The following CTTNBP2NL variants were observed in gnomAD, a reference collection of about 807,000 sequenced individuals.
CTTNBP2NL encodes the protein CTTNBP2 N-terminal-like protein.
Under a neutral mutation model 32.5 loss-of-function variants are expected in CTTNBP2NL, and 16 were observed. The ratio of observed to expected loss-of-function variants is 0.49; its 90% CI spans 0.33 to 0.75. The LOEUF is 0.75. CTTNBP2NL is among the 30% of genes least tolerant of loss of function. The pLI, the probability that CTTNBP2NL is intolerant of heterozygous loss-of-function variation, is 0.02. For synonymous variants in CTTNBP2NL, 298 were observed against 289.4 expected, an observed-to-expected ratio of 1.03 and a Z score of -0.30; for missense variants, 645 against 756.0, an observed-to-expected ratio of 0.85 and a Z score of 1.72.
intron 4 of CTTNBP2NL, among the ~76,000 whole-genome samples, chr1:112,452,283 C>T (rs533615799): frequency 4.0e-5 from 6 of 150,750 alleles, no homozygotes; most frequent in Admixed American, 1.3e-4. Flanking sequence ...TGATCCACCT[C>T]AGCCTCCCTA....
At chr1:112,422,461 A>G (rs1649260599) in intron 3 of CTTNBP2NL, among the ~76,000 whole-genome samples, 1 of 152,248 alleles carries the variant, frequency 6.6e-6, no homozygotes, top group African/African-American at 2.4e-5. Flanking sequence ...ATTCATGTAC[A>G]AGGCTTTGTG....
intron 1 of CTTNBP2NL, among the ~76,000 whole-genome samples, chr1:112,397,414 CT>C (rs1007571334): frequency 6.6e-6 from 1 of 152,082 alleles, no homozygotes; most frequent in Non-Finnish European, 1.5e-5. Context: ...TCTCTAACCC[CT>C]TTTTTATAGT....
intron 3 of CTTNBP2NL, among the ~76,000 whole-genome samples, chr1:112,422,015 T>G (rs1363068861): frequency 6.6e-6 from 1 of 152,208 alleles, no homozygotes; most frequent in Non-Finnish European, 1.5e-5. Flanking sequence ...TTATTTGATA[T>G]GTGCATACTG....
At chr1:112,425,555 A>G (rs1649369009) in intron 3 of CTTNBP2NL, among the ~76,000 whole-genome samples, 1 of 152,068 alleles carries the variant, frequency 6.6e-6, no homozygotes, top group Non-Finnish European at 1.5e-5. Flanking sequence ...TATTAATTCC[A>G]GTAGCTTTTA....
chr1:112,395,512 A>G (rs1464597434), upstream of CTTNBP2NL, among the ~76,000 whole-genome samples: 53 of 152,248 alleles, frequency 3.5e-4, no homozygotes, highest in Non-Finnish European at 2.9e-5. Context: ...CCAAGGAAAG[A>G]AAAAAGTCGC....
intron 2 of CTTNBP2NL, among the ~76,000 whole-genome samples, chr1:112,413,747 T>G (rs1204305911): frequency 1.3e-5 from 2 of 152,148 alleles, no homozygotes; most frequent in African/African-American, 2.4e-5. Context: ...TTGCTGAAAT[T>G]CACTTGTTAG....
chr1:112,420,864 C>G (rs1449784873), intron 3 of CTTNBP2NL, among the ~76,000 whole-genome samples: 1 of 152,134 alleles, frequency 6.6e-6, no homozygotes, highest in Non-Finnish European at 1.5e-5. Context: ...AACCATCAAC[C>G]AGAACATTCA....
In CTTNBP2NL at chr1:112,456,721, G is replaced by C. The variant is rs753180174; in HGVS notation, c.1229G>C (p.Gly410Ala). The part of the protein sequence containing the change: ...VPMPSPLSSS[G>A]SSLSPSSTAS... Reference sequence around the variant, plus strand: ...ATGCCCAGTCCCCTCTCTTCCAGTGGGAGCTCACTGTCTCCCAGCAGCACT... The same window carrying C: ...ATGCCCAGTCCCCTCTCTTCCAGTGCGAGCTCACTGTCTCCCAGCAGCACT... The change falls in exon 6 of 6, where the codon GGG (glycine) becomes GCG (alanine). Residue 410 changes from glycine (G) to alanine (A), a missense_variant. Transcript: ENST00000271277. The C allele has an allele frequency of 3.7e-6, 6 of 1,613,914 alleles. No homozygotes were observed. Among genetic ancestry groups the C allele is most frequent in the Admixed American group, 1.7e-5 (1 of 59,984 alleles).
At chr1:112,416,859 A>G (rs1417095089) in intron 3 of CTTNBP2NL, among the ~76,000 whole-genome samples, 1 of 152,188 alleles carries the variant, frequency 6.6e-6, no homozygotes, top group Non-Finnish European at 1.5e-5. Context: ...AGACTTGATA[A>G]GAGCAACTTC....
intron 4 of CTTNBP2NL, among the ~76,000 whole-genome samples, chr1:112,449,646 T>C (rs1650160999): frequency 1.3e-5 from 2 of 152,194 alleles, no homozygotes; most frequent in African/African-American, 4.8e-5. Flanking sequence ...GTTTTGAGTT[T>C]CATTGCATTT....
At chr1:112,443,898 T>G (rs1460431210) in intron 3 of CTTNBP2NL, among the ~76,000 whole-genome samples, 1 of 152,202 alleles carries the variant, frequency 6.6e-6, no homozygotes, top group Non-Finnish European at 1.5e-5. Flanking sequence ...AAACTACTTA[T>G]AGTTTATCTA....
chr1:112,394,589 T>C (rs2100984743), upstream of CTTNBP2NL, among the ~76,000 whole-genome samples: 1 of 152,298 alleles, frequency 6.6e-6, no homozygotes, highest in East Asian at 1.9e-4. Flanking sequence ...TTACTCCAGA[T>C]TCACTTACAC....
In CTTNBP2NL at chr1:112,451,784, A is replaced by AAAC. The variant is rs577640692; in HGVS notation, c.330+2612_330+2613insAAC. On this transcript the variant is annotated intron_variant, in intron 4 of 5. Coordinates refer to ENST00000271277, the MANE Select transcript of CTTNBP2NL (RefSeq NM_018704.3). ...GACTGTCTCAAAAAAAAAAAAAAAA[A>AAAC]CACAAAACAAACAAACAAAAAAACA... Among the ~76,000 whole-genome samples, 21 of 144,192 alleles carry AAAC rather than the reference A, an allele frequency of 1.5e-4. 2 individuals carry two copies. The highest frequency in any genetic ancestry group is 2.2e-4 in the South Asian group (1 of 4,608). 94.6% of individuals were successfully genotyped at this position (144,192 alleles called of 152,430 possible). A position where few individuals can be genotyped will look rare whatever the true frequency, so the allele number is the denominator to read the frequency against.
intron 3 of CTTNBP2NL, among the ~76,000 whole-genome samples, chr1:112,438,348 C>T (rs1392799079): frequency 6.6e-6 from 1 of 152,048 alleles, no homozygotes; most frequent in Non-Finnish European, 1.5e-5. Context: ...CTCAGCCTGG[C>T]TGTTGTAGGT....
intron 4 of CTTNBP2NL, among the ~76,000 whole-genome samples, chr1:112,452,340 T>C (rs1242018916): frequency 2.2e-5 from 3 of 138,378 alleles, no homozygotes; most frequent in African/African-American, 5.9e-5. Flanking sequence ...CTCTTCTTTT[T>C]TTTTTTTTTT....
At position 112,415,831 on chromosome 1, in the gene CTTNBP2NL, A is replaced by G. The variant is rs112149632; in HGVS notation, c.-9-326A>G. 2.2e-3 allele frequency: 619 copies of G among 276,098 alleles called. 5 individuals carry two copies. The highest frequency in any genetic ancestry group is 0.013 in the African/African-American group (569 of 42,594). 17.1% of individuals were successfully genotyped at this position (276,098 alleles called of 1,614,324 possible). A position where few individuals can be genotyped will look rare whatever the true frequency, so the allele number is the denominator to read the frequency against. On this transcript the variant is annotated intron_variant, in intron 2 of 5. Transcript: ENST00000271277. ...TAGCCTCCCAAAGTGCTGGGATTAC[A>G]GGCATGAGCCACTGCACCCAGCCCT...
chr1:112,410,115 G>A (rs2483332), intron 1 of CTTNBP2NL, among the ~76,000 whole-genome samples: 81,153 of 152,062 alleles, frequency 0.53, 23,436 homozygotes, highest in South Asian at 0.71. Flanking sequence ...AGTGTAGGCC[G>A]GGCACGGAGG....
At chr1:112,405,726 A>G (rs1648642401) in intron 1 of CTTNBP2NL, among the ~76,000 whole-genome samples, 1 of 152,226 alleles carries the variant, frequency 6.6e-6, no homozygotes. Flanking sequence ...CTGACATCAT[A>G]TATGAGAGAC....
intron 1 of CTTNBP2NL, among the ~76,000 whole-genome samples, chr1:112,404,057 GTTATGTCCATT>G (rs1648584864): frequency 6.6e-6 from 1 of 152,194 alleles, no homozygotes; most frequent in African/African-American, 2.4e-5. Flanking sequence ...AGTATGTATT[GTTATGTCCATT>G]TTATAGCTAA....
Sources: gnomAD v4.1 joint callset for allele counts (sites outside exome capture counted in the v4.1 genomes callset) on GRCh38, gnomAD v4.1.1 for gene constraint, MANE v1.5 for transcripts, NCBI Gene and HGNC (gene_info 2026-07-23, HGNC 2026-07-21) for gene names.